DPP10: variants seen among roughly 807,000 people sequenced by gnomAD.
DPP10 encodes the protein inactive dipeptidyl peptidase 10.
A neutral mutation model predicts 120.9 loss-of-function variants in DPP10; 33 were observed. That is an observed-to-expected ratio of 0.27 (90% confidence interval 0.21 to 0.37). The LOEUF (loss-of-function observed/expected upper bound fraction) is 0.37, where lower values mean the gene tolerates loss of function less well. Ranked by LOEUF, DPP10 falls within the 10% of genes least tolerant of loss-of-function variation. The pLI is 1.00. For synonymous variants in DPP10, 337 were observed against 326.1 expected (o/e 1.03, Z -0.36); for missense variants, 816 against 942.8 (o/e 0.87, Z 1.76).
intron 1 of DPP10, among the ~76,000 whole-genome samples, chr2:115,097,102 G>A (rs1248637624): frequency 6.6e-6 from 1 of 152,086 alleles, no homozygotes; most frequent in Non-Finnish European, 1.5e-5. Flanking sequence ...ATTAAACTGA[G>A]ACAGCTAAGC....
intron 1 of DPP10, among the ~76,000 whole-genome samples, chr2:114,559,360 A>C (rs1688571474): frequency 6.6e-6 from 1 of 152,186 alleles, no homozygotes; most frequent in African/African-American, 2.4e-5. Context: ...AAGTGAAAGA[A>C]TGTGAACAAC....
At chr2:115,564,180 T>C (rs908459333) in intron 5 of DPP10, among the ~76,000 whole-genome samples, 3 of 151,812 alleles carry the variant, frequency 2.0e-5, no homozygotes, top group East Asian at 3.9e-4. Context: ...AGATGGAATA[T>C]ATTTAATAAA....
intron 5 of DPP10, among the ~76,000 whole-genome samples, chr2:115,562,129 T>C (rs975967760): frequency 2.6e-5 from 4 of 152,216 alleles, no homozygotes; most frequent in African/African-American, 9.6e-5. Context: ...TCTCACCTTT[T>C]CTGCTTCAAA....
chr2:115,241,490 A>G (rs1310799748), intron 1 of DPP10, among the ~76,000 whole-genome samples: 1 of 152,194 alleles, frequency 6.6e-6, no homozygotes, highest in Non-Finnish European at 1.5e-5. Flanking sequence ...ATAAAGCAGT[A>G]TGCACTTATT....
intron 1 of DPP10, among the ~76,000 whole-genome samples, chr2:114,838,723 A>G (rs1057402128): frequency 2.0e-5 from 3 of 152,196 alleles, no homozygotes; most frequent in African/African-American, 7.2e-5. Flanking sequence ...TGCTGAAGGC[A>G]TATTTGAGGG....
chr2:115,364,379 C>A (rs1244373614), intron 3 of DPP10, among the ~76,000 whole-genome samples: 1 of 152,000 alleles, frequency 6.6e-6, no homozygotes, highest in East Asian at 1.9e-4. Flanking sequence ...ATTACCTCAC[C>A]ACACTATCAC....
At chr2:115,690,052 C>A (rs145308432) in intron 7 of DPP10, 131 bp downstream of exon 7, 204 of 752,486 alleles carry the variant, frequency 2.7e-4, no homozygotes, top group Admixed American at 2.1e-3. Context: ...TCCTTTATAT[C>A]TTTTATCTAA....
chr2:114,486,567 G>A (rs1573466962), intron 1 of DPP10, among the ~76,000 whole-genome samples: 1 of 152,106 alleles, frequency 6.6e-6, no homozygotes, highest in East Asian at 1.9e-4. Flanking sequence ...GATATAAGGA[G>A]TGTGTATATT....
chr2:114,485,775 A>T lies in DPP10; in HGVS notation c.60+42937A>T, dbSNP rs1396147076. Among the ~76,000 whole-genome samples, 2 of 151,996 alleles carry T rather than the reference A, an allele frequency of 1.3e-5. 1 individual carries two copies. Among genetic ancestry groups the T allele is most frequent in the Non-Finnish European group, 2.9e-5 (2 of 68,010 alleles). On this transcript the variant is annotated intron_variant, in intron 1 of 25. Coordinates refer to ENST00000410059, the MANE Select transcript of DPP10 (RefSeq NM_020868.6). ...CTGTGTTGTCCTGCCTTGCATTACT[A>T]AACTCTCAATCCTACGTGCCTGACC...
chr2:115,485,250 A>C (rs980732037), intron 3 of DPP10, among the ~76,000 whole-genome samples: 1 of 151,492 alleles, frequency 6.6e-6, no homozygotes, highest in African/African-American at 2.4e-5. Flanking sequence ...AAAAAAAAAA[A>C]AAAAAACAAA....
At chr2:115,633,077 C>G (rs1301899936) in intron 5 of DPP10, among the ~76,000 whole-genome samples, 2 of 152,186 alleles carry the variant, frequency 1.3e-5, no homozygotes, top group Non-Finnish European at 2.9e-5. Context: ...CATCCCATTA[C>G]TGGGTATATA....
At chr2:114,631,395 C>G (rs906686384) in intron 1 of DPP10, among the ~76,000 whole-genome samples, 5 of 152,084 alleles carry the variant, frequency 3.3e-5, no homozygotes, top group African/African-American at 7.2e-5. Flanking sequence ...CTGAAGAAAC[C>G]TGTGAATGAG....
At chr2:115,601,284 GT>G (rs1280858998) in intron 5 of DPP10, among the ~76,000 whole-genome samples, 2 of 152,254 alleles carry the variant, frequency 1.3e-5, no homozygotes, top group East Asian at 3.9e-4. Flanking sequence ...TGTCATTAAG[GT>G]TTCCTAAGAT....
intron 2 of DPP10, among the ~76,000 whole-genome samples, chr2:115,334,230 G>GGTTTTTTTTTTTTT (rs1553554643): frequency 0.011 from 647 of 56,346 alleles, 20 homozygotes; most frequent in African/African-American, 0.031. Context: ...AGCAGACTCT[G>GGTTTTTTTTTTTTT]TTTTTTTTTT....
chr2:115,567,534 A>ATT (rs35001379), intron 5 of DPP10, among the ~76,000 whole-genome samples: 17,771 of 148,030 alleles, frequency 0.12, 1,348 homozygotes, highest in African/African-American at 0.22. Context: ...AGATTTTCTC[A>ATT]TTTTTTTTTT....
chr2:115,136,210 C>A (rs1195778312), intron 1 of DPP10, among the ~76,000 whole-genome samples: 2 of 152,014 alleles, frequency 1.3e-5, no homozygotes, highest in African/African-American at 4.8e-5. Context: ...GCAGCAGTAG[C>A]CCTGAGGAGG....
intron 1 of DPP10, among the ~76,000 whole-genome samples, chr2:114,871,909 G>C (rs1441007158): frequency 6.6e-6 from 1 of 152,152 alleles, no homozygotes; most frequent in African/African-American, 2.4e-5. Flanking sequence ...TCATAGGAGT[G>C]TGGACCCTAT....
chr2:115,684,710 T>G (rs1332958590), intron 5 of DPP10, among the ~76,000 whole-genome samples: 2 of 151,932 alleles, frequency 1.3e-5, no homozygotes, highest in African/African-American at 4.8e-5. Flanking sequence ...TGCTCTTTTT[T>G]CTTTTAAGCT....
intron 1 of DPP10, among the ~76,000 whole-genome samples, chr2:114,500,414 AACTTT>A (rs1321952836): frequency 6.6e-6 from 1 of 152,214 alleles, no homozygotes; most frequent in African/African-American, 2.4e-5. Context: ...CAATTTTCAC[AACTTT>A]ACTTAATTAT....
Sources: allele counts gnomAD v4.1 joint callset (sites outside exome capture counted in the v4.1 genomes callset), GRCh38; gene constraint gnomAD v4.1.1; transcripts MANE v1.5; gene names NCBI Gene and HGNC (gene_info 2026-07-23, HGNC 2026-07-21).